Variants in MTSS1 observed in about 807,000 individuals in gnomAD.
MTSS1 encodes MTSS I-BAR domain containing 1, also known as protein MTSS 1.
MTSS1 carries 18 observed loss-of-function variants against 79.0 expected under a neutral mutation model. That is an observed-to-expected ratio of 0.23 (90% CI 0.16 to 0.34). The LOEUF (loss-of-function observed/expected upper bound fraction) is 0.34. Ranked by LOEUF, MTSS1 falls within the 10% of genes least tolerant of loss-of-function variation. MTSS1 has a pLI of 1.00. For synonymous variants in MTSS1, 341 were observed against 368.6 expected (o/e 0.93, Z 0.86); for missense variants, 815 against 986.2 (o/e 0.83, Z 2.33).
chr8:124,580,304 G>A (rs537465669), intron 6 of MTSS1: 124 of 470,808 alleles, frequency 2.6e-4, no homozygotes, highest in Non-Finnish European at 4.2e-4. Context: ...ATTGAATTAC[G>A]ATGATTCAAA....
At chr8:124,681,736 C>T (rs1160949288) in intron 3 of MTSS1, among the ~76,000 whole-genome samples, 3 of 152,036 alleles carry the variant, frequency 2.0e-5, no homozygotes, top group African/African-American at 7.2e-5. Context: ...TGCAGTGAGC[C>T]GAGATCATGC....
intron 5 of MTSS1, 59 bp downstream of exon 5, chr8:124,589,561 G>T: frequency 7.1e-7 from 1 of 1,399,180 alleles, no homozygotes; most frequent in Non-Finnish European, 9.9e-7. Flanking sequence ...GCAGCAGCTG[G>T]CAACTTCCCA....
At chr8:124,577,934 T>A (rs926080162) in intron 6 of MTSS1, among the ~76,000 whole-genome samples, 2 of 152,228 alleles carry the variant, frequency 1.3e-5, no homozygotes, top group Non-Finnish European at 2.9e-5. Flanking sequence ...GAGAGTGCTT[T>A]CTGCTGGTTT....
rs1330212586 is a variant in MTSS1, at chr8:124,553,302, C to T, written c.1958G>A (p.Gly653Asp). ...GGGCATGCTGGTGACACCTTGGGGG[C>T]CCTCACCCACAGATGGCGACTCAGG... ...HSPESPSVGE[G>D]PQGVTSMPSS... The change falls in exon 14 of 14, where the codon GGC (glycine) becomes GAC (aspartate). Residue 653 changes from glycine to aspartate, a missense_variant. Gly to Asp is a moderately conservative substitution (Grantham distance 94). Coordinates refer to ENST00000518547, the MANE Select transcript of MTSS1 (RefSeq NM_014751.6). The surrounding 1 kb of genome is among the most constrained non-coding windows in gnomAD (Gnocchi z 6.0). 1 of 1,614,120 alleles carries T rather than the reference C, an allele frequency of 6.2e-7. No individual in the cohort carries two copies. The highest frequency in any genetic ancestry group is 1.1e-5 in the South Asian group (1 of 91,084).
At chr8:124,720,242 C>T (rs946900532) in intron 1 of MTSS1, among the ~76,000 whole-genome samples, 2 of 152,136 alleles carry the variant, frequency 1.3e-5, no homozygotes, top group African/African-American at 4.8e-5. Flanking sequence ...AGTTAGGGAG[C>T]ACTGGACACA....
chr8:124,568,579 G>T, intron 6 of MTSS1, 43 bp from the exon 7 acceptor site: 1 of 1,613,506 alleles, frequency 6.2e-7, no homozygotes, highest in African/African-American at 1.3e-5. Context: ...TGAAATACCA[G>T]CTTCTGGAAC....
intron 3 of MTSS1, among the ~76,000 whole-genome samples, chr8:124,616,958 G>A (rs923576429): frequency 6.6e-6 from 1 of 152,186 alleles, no homozygotes; most frequent in African/African-American, 2.4e-5. Context: ...CTAGAGACTA[G>A]CAATTCACCT....
intron 2 of MTSS1, among the ~76,000 whole-genome samples, chr8:124,700,759 G>C (rs370782258): frequency 1.3e-5 from 2 of 152,130 alleles, no homozygotes; most frequent in Non-Finnish European, 2.9e-5. Context: ...CAGGGCCATG[G>C]ATTCCACACA....
chr8:124,715,871 C>T (rs74405473), intron 1 of MTSS1, among the ~76,000 whole-genome samples: 25 of 152,326 alleles, frequency 1.6e-4, no homozygotes, highest in African/African-American at 5.8e-4. Context: ...AATTTAATCA[C>T]CTGGTGCTGC....
At chr8:124,660,567 A>G (rs1244499559) in intron 3 of MTSS1, among the ~76,000 whole-genome samples, 2 of 152,038 alleles carry the variant, frequency 1.3e-5, no homozygotes, top group African/African-American at 4.8e-5. Flanking sequence ...CTCCAACAGA[A>G]GAGGAAGTTC....
intron 2 of MTSS1, among the ~76,000 whole-genome samples, chr8:124,702,507 G>C (rs1564023042): frequency 6.6e-6 from 1 of 152,168 alleles, no homozygotes; most frequent in African/African-American, 2.4e-5. Flanking sequence ...GCAGTTCATG[G>C]ATGGAAATCC....
At chr8:124,701,899 A>C (rs1389803721) in intron 2 of MTSS1, among the ~76,000 whole-genome samples, 1 of 152,216 alleles carries the variant, frequency 6.6e-6, no homozygotes, top group African/African-American at 2.4e-5. Flanking sequence ...TCTAACACAC[A>C]AAATTAAACT....
chr8:124,568,655 G>T (rs773988722), intron 6 of MTSS1, 119 bp from the exon 7 acceptor site: 27 of 1,507,862 alleles, frequency 1.8e-5, no homozygotes, highest in Non-Finnish European at 2.3e-5. Context: ...TGTAAAAAAA[G>T]TATTTATTCA....
chr8:124,702,900 T>C (rs1441305540), intron 2 of MTSS1, among the ~76,000 whole-genome samples: 1 of 152,190 alleles, frequency 6.6e-6, no homozygotes, highest in Non-Finnish European at 1.5e-5. Context: ...AGGGTAGAGC[T>C]TTAATAAGAA....
intron 1 of MTSS1, among the ~76,000 whole-genome samples, chr8:124,710,166 C>T (rs908897721): frequency 6.6e-5 from 10 of 152,180 alleles, no homozygotes; most frequent in Non-Finnish European, 1.2e-4. Flanking sequence ...GGCGAAGTGG[C>T]CCAGGTGGGC....
chr8:124,712,945 T>C (rs1186891391), intron 1 of MTSS1, among the ~76,000 whole-genome samples: 1 of 152,184 alleles, frequency 6.6e-6, no homozygotes. Flanking sequence ...CCCGGGCTGT[T>C]TTCTGACATC....
At chr8:124,620,850 C>T (rs144369351) in intron 3 of MTSS1, among the ~76,000 whole-genome samples, 111 of 152,338 alleles carry the variant, frequency 7.3e-4, no homozygotes, top group Middle Eastern at 6.8e-3. Flanking sequence ...GGAATTTCAA[C>T]GCCTCACTGA....
intron 6 of MTSS1, chr8:124,579,625 C>T (rs1829656407): frequency 6.6e-6 from 1 of 152,184 alleles, no homozygotes; most frequent in African/African-American, 2.4e-5. Context: ...ATGTTGAGAA[C>T]TGGAAAGGAT....
chr8:124,564,714 C>T (rs1200158133), intron 9 of MTSS1: 2 of 152,250 alleles, frequency 1.3e-5, no homozygotes, highest in Non-Finnish European at 2.9e-5. Flanking sequence ...CACACACACA[C>T]ACACAGTCGA....
Sources: gnomAD v4.1 joint callset for allele counts (sites outside exome capture counted in the v4.1 genomes callset) on GRCh38, gnomAD v4.1.1 for gene constraint, Gnocchi (gnomAD v3.1) non-coding constraint, MANE v1.5 for transcripts, NCBI Gene and HGNC (gene_info 2026-07-23, HGNC 2026-07-21) for gene names.